The following PHEX variants were observed in gnomAD, a reference collection of about 807,000 sequenced individuals.
The protein encoded by PHEX is phosphate regulating endopeptidase X-linked.
Under a neutral mutation model 68.0 loss-of-function variants are expected in PHEX, and 16 were observed. That is an observed-to-expected ratio of 0.24 (90% CI 0.16 to 0.36). PHEX has a LOEUF of 0.36. Ranked by LOEUF, PHEX falls within the 10% of genes least tolerant of loss-of-function variation. The pLI, the probability that PHEX is intolerant of heterozygous loss-of-function variation, is 1.00. For synonymous variants in PHEX, 208 were observed against 205.1 expected (o/e 1.01, Z -0.12); for missense variants, 480 against 575.5 (o/e 0.83, Z 1.70).
chrX:22,058,874 G>A (rs755308972), intron 3 of PHEX, among the ~76,000 whole-genome samples: 1 of 111,950 alleles, frequency 8.9e-6, no homozygotes, highest in Non-Finnish European at 1.9e-5. Context: ...GCACGATCTC[G>A]GCTCACTGCA....
At chrX:22,112,869 G>A (rs969535665) in intron 10 of PHEX, among the ~76,000 whole-genome samples, 4 of 110,655 alleles carry the variant, frequency 3.6e-5, no homozygotes, top group African/African-American at 6.6e-5. Flanking sequence ...TGGCACCAAT[G>A]CACTCCAGCC....
At chrX:22,190,338 G>A in intron 14 of PHEX, 106 bp from the exon 15 acceptor site, 3 of 586,006 alleles carry the variant, frequency 5.1e-6, no homozygotes, top group Non-Finnish European at 9.2e-6. Context: ...CATCCCCATT[G>A]TTCCATGTTA....
rs1443376972 is a variant in PHEX, at chrX:22,226,608, G to C, written c.1965+100G>C. The C allele has an allele frequency of 1.9e-5, 12 of 644,326 alleles. No individual in the cohort carries two copies. In the East Asian group the frequency reaches 3.9e-4, roughly 21 times the overall value. 53.1% of individuals were successfully genotyped at this position (644,326 alleles called of 1,213,427 possible). A position where few individuals can be genotyped will look rare whatever the true frequency, so the allele number is the denominator to read the frequency against. Reference sequence around the variant, plus strand: ...CCATAGCCATGTTCTTGAGGAGTTAGTTAGTTAGATATTATGGAATTTCTG... The same window carrying C: ...CCATAGCCATGTTCTTGAGGAGTTACTTAGTTAGATATTATGGAATTTCTG... On this transcript the variant is annotated intron_variant, in intron 19 of 21. Coordinates refer to ENST00000379374, the MANE Select transcript of PHEX (RefSeq NM_000444.6).
intron 11 of PHEX, among the ~76,000 whole-genome samples, chrX:22,123,274 C>A (rs1233511637): frequency 3.6e-5 from 4 of 110,566 alleles, no homozygotes; most frequent in Non-Finnish European, 7.6e-5. Flanking sequence ...CAGGTGTGAG[C>A]CACCTGTAAC....
At chrX:22,188,604 T>A (rs1934104747) in intron 14 of PHEX, among the ~76,000 whole-genome samples, 1 of 112,247 alleles carries the variant, frequency 8.9e-6, no homozygotes, top group Admixed American at 9.5e-5. Flanking sequence ...TTTGTTTTTG[T>A]TTTTTAATTA....
chrX:22,230,224 G>A (rs1328420522), intron 20 of PHEX, among the ~76,000 whole-genome samples: 26 of 62,436 alleles, frequency 4.2e-4, no homozygotes, highest in Non-Finnish European at 1.5e-4. Context: ...TTGGCTATAT[G>A]GGCTCTTTTT....
At chrX:22,045,558 C>G (rs1442538464) in intron 2 of PHEX, among the ~76,000 whole-genome samples, 1 of 112,476 alleles carries the variant, frequency 8.9e-6, no homozygotes, top group African/African-American at 3.2e-5. Flanking sequence ...GCACACATCT[C>G]CTACCTGTGG....
chrX:22,077,365 A>AT, intron 4 of PHEX, 111 bp from the exon 5 acceptor site: 1 of 690,385 alleles, frequency 1.4e-6, no homozygotes, highest in Non-Finnish European at 2.4e-6. Context: ...AACAGCTGAA[A>AT]TTTTAAGTTG....
intron 11 of PHEX, among the ~76,000 whole-genome samples, chrX:22,120,891 G>C (rs1392536334): frequency 8.9e-6 from 1 of 112,033 alleles, no homozygotes; most frequent in Non-Finnish European, 1.9e-5. Context: ...GGGAAAAAAG[G>C]CCTTGTTGCT....
At chrX:22,100,989 T>C (rs563370053) in intron 9 of PHEX, among the ~76,000 whole-genome samples, 1 of 110,448 alleles carries the variant, frequency 9.1e-6, no homozygotes, top group South Asian at 3.9e-4. Flanking sequence ...CTGGCCAACA[T>C]GGTGAAACCC....
chrX:22,239,043 T>G (rs1000961427), intron 20 of PHEX, among the ~76,000 whole-genome samples: 2 of 111,759 alleles, frequency 1.8e-5, no homozygotes, highest in Admixed American at 1.9e-4. Flanking sequence ...CAGGCAGCAA[T>G]CTTTGCTCTT....
chrX:22,038,385 A>C (rs1192554940), intron 1 of PHEX, 84 bp from the exon 2 acceptor site: 1 of 632,655 alleles, frequency 1.6e-6, no homozygotes, highest in African/African-American at 2.2e-5. Context: ...ACTGATATCA[A>C]ATATCTTGCG....
At chrX:22,173,261 C>T (rs1933598234) in intron 13 of PHEX, among the ~76,000 whole-genome samples, 1 of 111,925 alleles carries the variant, frequency 8.9e-6, no homozygotes, top group African/African-American at 3.2e-5. Flanking sequence ...CTGGTGCCCC[C>T]CAACCTTCCA....
intron 12 of PHEX, among the ~76,000 whole-genome samples, chrX:22,141,729 A>T (rs909611824): frequency 2.7e-5 from 3 of 112,034 alleles, no homozygotes; most frequent in African/African-American, 9.7e-5. Flanking sequence ...TGCTCATTTA[A>T]AAAATCTGGA....
intron 2 of PHEX, among the ~76,000 whole-genome samples, chrX:22,045,787 C>G (rs1927502068): frequency 8.9e-6 from 1 of 112,209 alleles, no homozygotes; most frequent in Non-Finnish European, 1.9e-5. Context: ...CTTCTACACC[C>G]CAGAATTCCC....
At chrX:22,195,370 G>T (rs1205303315) in intron 15 of PHEX, among the ~76,000 whole-genome samples, 1 of 111,118 alleles carries the variant, frequency 9.0e-6, no homozygotes, top group Non-Finnish European at 1.9e-5. Flanking sequence ...GAGGCAGGCG[G>T]ATCACCTGAG....
chrX:22,103,608 T>C (rs774353207), intron 9 of PHEX, among the ~76,000 whole-genome samples: 2 of 112,227 alleles, frequency 1.8e-5, no homozygotes, highest in Admixed American at 1.9e-4. Flanking sequence ...TTCAGCTCTA[T>C]CCAGGCTGCT....
chrX:22,053,759 A>G (rs1927945538), intron 3 of PHEX, among the ~76,000 whole-genome samples: 1 of 112,111 alleles, frequency 8.9e-6, no homozygotes, highest in African/African-American at 3.2e-5. Context: ...CTTTGCCAAT[A>G]TTTTGTGAAG....
At chrX:22,096,120 G>A (rs1304699574) in intron 7 of PHEX, among the ~76,000 whole-genome samples, 1 of 111,813 alleles carries the variant, frequency 8.9e-6, no homozygotes, top group Admixed American at 9.5e-5. Context: ...TGTGTGCAGT[G>A]GGAAGGTGGC....
Sources: gnomAD v4.1 joint callset for allele counts (sites outside exome capture counted in the v4.1 genomes callset) on GRCh38, gnomAD v4.1.1 for gene constraint, MANE v1.5 for transcripts, NCBI Gene and HGNC (gene_info 2026-07-23, HGNC 2026-07-21) for gene names.